The following FARP1 variants were observed in gnomAD, a reference collection of about 807,000 sequenced individuals.
FARP1 encodes FERM, ARH/RhoGEF and pleckstrin domain protein 1.
Under a neutral mutation model 128.8 loss-of-function variants are expected in FARP1, and 52 were observed. That is an observed-to-expected ratio of 0.40 (90% CI 0.32 to 0.51). The LOEUF (loss-of-function observed/expected upper bound fraction) is 0.51. Ranked by LOEUF, FARP1 falls within the 20% of genes least tolerant of loss-of-function variation. The probability of loss-of-function intolerance (pLI) is 0.45; values close to 1 mark genes in which losing one functional copy is unlikely to be tolerated. For synonymous variants in FARP1, 580 were observed against 551.8 expected (o/e 1.05, Z -0.72); for missense variants, 1,333 against 1,367.9 (o/e 0.97, Z 0.40).
At chr13:98,165,402 T>C (rs1412899091) in intron 1 of FARP1, among the ~76,000 whole-genome samples, 2 of 151,994 alleles carry the variant, frequency 1.3e-5, no homozygotes, top group East Asian at 1.9e-4. Flanking sequence ...ATTGTAACTA[T>C]TGAAGATATT....
chr13:98,397,786 A>C lies in FARP1; in HGVS notation c.1414+2310A>C, dbSNP rs530196349. ...GTCTCGAATCTAGTGGAATACAGTAAAAGTGTTAGCTAAATTTTTGGCTTG... is the reference window on the plus strand; with the variant it reads ...GTCTCGAATCTAGTGGAATACAGTACAAGTGTTAGCTAAATTTTTGGCTTG... On this transcript the variant is annotated intron_variant, in intron 13 of 26. Coordinates refer to ENST00000319562, the MANE Select transcript of FARP1 (RefSeq NM_005766.4). 22 of 152,102 alleles carry C rather than the reference A, an allele frequency of 1.4e-4. No homozygotes were observed. The South Asian group carries it at 4.4e-3, about 30-fold the overall frequency. The allele number at this position is 152,102 out of a possible 1,614,324, so 9.4% of individuals were successfully genotyped here.
Position 98,409,436 on chromosome 13 carries a change from G to A in FARP1, c.1513G>A (p.Asp505Asn), listed in dbSNP as rs142356955. The part of the protein sequence containing the change: ...NVTLSPNLSP[D>N]TKQASPLISP... ...GACCTTGTCTCCCAACCTGAGCCCC[G>A]ACACCAAGCAGGCCTCTCCCTTGAT... Residue 505 changes from aspartate to asparagine, a missense_variant, in exon 14 of 27, where the codon GAC becomes AAC. Around this residue, in one of 2 missense-constraint regions of FARP1, gnomAD observed 1,009 missense variants for 969.8 expected, o/e 1.04. Coordinates refer to ENST00000319562, the MANE Select transcript of FARP1 (RefSeq NM_005766.4). 2.7e-5 allele frequency: 44 copies of A among 1,613,794 alleles called. No individual in the cohort carries two copies. The highest frequency in any genetic ancestry group is 9.4e-5 in the African/African-American group (7 of 74,848).
intron 13 of FARP1, chr13:98,396,712 T>A: frequency 2.6e-6 from 1 of 383,374 alleles, no homozygotes; most frequent in Non-Finnish European, 4.6e-6. Context: ...GTGGGCAAGA[T>A]AAACAGCAAG....
chr13:98,351,228 G>C (rs1888408239), intron 3 of FARP1, among the ~76,000 whole-genome samples: 1 of 152,128 alleles, frequency 6.6e-6, no homozygotes, highest in Non-Finnish European at 1.5e-5. Flanking sequence ...CTGCTGAGCT[G>C]TTGGCCGTAT....
intron 2 of FARP1, among the ~76,000 whole-genome samples, chr13:98,233,310 C>T (rs1326643730): frequency 6.6e-6 from 1 of 152,162 alleles, no homozygotes; most frequent in African/African-American, 2.4e-5. Context: ...ACCTTGATGC[C>T]TGTCAGCCAG....
chr13:98,234,576 AGT>A (rs1451222181), intron 2 of FARP1: 10 of 152,182 alleles, frequency 6.6e-5, no homozygotes, highest in African/African-American at 2.4e-4. Context: ...ATGGAGTGAT[AGT>A]GTGTTAGTTA....
At position 98,450,838 on chromosome 13, in the gene FARP1, A is replaced by G. The variant is rs1176181576; in HGVS notation, c.*2521A>G. Reference sequence around the variant, plus strand: ...ACAAAAGCCAGCTTCCTTGGCTAAGATGCCCTTAAAAACATTGGGGCTGAT... The same window carrying G: ...ACAAAAGCCAGCTTCCTTGGCTAAGGTGCCCTTAAAAACATTGGGGCTGAT... On this transcript the variant is annotated 3_prime_UTR_variant, in exon 27 of 27. Transcript: ENST00000319562. The G allele has an allele frequency of 6.6e-6, 1 of 152,272 alleles. No homozygotes were observed. The highest frequency in any genetic ancestry group is 1.5e-5 in the Non-Finnish European group (1 of 68,064). 9.4% of individuals were successfully genotyped at this position (152,272 alleles called of 1,614,324 possible).
At chr13:98,417,455 G>GAAAAAAAAAAAAAAAAAAAA (rs869304302) in intron 16 of FARP1, among the ~76,000 whole-genome samples, 2 of 58,454 alleles carry the variant, frequency 3.4e-5, no homozygotes, top group African/African-American at 1.1e-4. Flanking sequence ...CCAGAGGTTT[G>GAAAAAAAAAAAAAAAAAAAA]AAAAAAAAAA....
intron 2 of FARP1, chr13:98,329,290 T>C (rs534601945): frequency 2.6e-5 from 4 of 152,370 alleles, no homozygotes; most frequent in African/African-American, 9.6e-5. Flanking sequence ...TTTCATATAG[T>C]TGGCCTTTTG....
At chr13:98,185,761 G>A (rs1269990979) in intron 1 of FARP1, among the ~76,000 whole-genome samples, 2 of 151,836 alleles carry the variant, frequency 1.3e-5, no homozygotes, top group Admixed American at 1.3e-4. Context: ...GCAGTGGCAC[G>A]ATCTCAGCTC....
At chr13:98,305,104 GTATA>G (rs4001088) in intron 2 of FARP1, among the ~76,000 whole-genome samples, 2,700 of 42,600 alleles carry the variant, frequency 0.063, 81 homozygotes, top group African/African-American at 0.19. Flanking sequence ...ATTTAAATGT[GTATA>G]TATATATATA....
chr13:98,210,330 A>C (rs1188878334), intron 1 of FARP1, among the ~76,000 whole-genome samples: 1 of 151,850 alleles, frequency 6.6e-6, no homozygotes, highest in African/African-American at 2.4e-5. Context: ...TTTTGGTTAT[A>C]CATTCACCTC....
chr13:98,380,420 C>G (rs1566936492), intron 6 of FARP1, among the ~76,000 whole-genome samples: 1 of 146,454 alleles, frequency 6.8e-6, no homozygotes, highest in Non-Finnish European at 1.5e-5. Context: ...GAGTGAGACT[C>G]TGTCTAAAAA....
intron 1 of FARP1, among the ~76,000 whole-genome samples, chr13:98,181,854 T>C (rs1175304017): frequency 1.3e-5 from 2 of 152,070 alleles, no homozygotes; most frequent in Non-Finnish European, 2.9e-5. Flanking sequence ...TGGGGTCTTA[T>C]CACACATGGT....
chr13:98,350,960 T>C (rs1372116998), intron 3 of FARP1, among the ~76,000 whole-genome samples: 1 of 145,352 alleles, frequency 6.9e-6, no homozygotes. Flanking sequence ...ATGATGCAGA[T>C]GAGCCAGTGC....
At chr13:98,277,933 C>G (rs1884736978) in intron 2 of FARP1, among the ~76,000 whole-genome samples, 1 of 152,160 alleles carries the variant, frequency 6.6e-6, no homozygotes, top group Admixed American at 6.5e-5. Context: ...CAGCGAGGGT[C>G]AAAATCTGGT....
chr13:98,416,722 C>T lies in FARP1; in HGVS notation c.1826+4688C>T, dbSNP rs1891388251. On this transcript the variant is annotated intron_variant, in intron 16 of 26. Coordinates refer to ENST00000319562, the MANE Select transcript of FARP1 (RefSeq NM_005766.4). ...CTCCCAAATGCCAGCCCTGAGGTGA[C>T]TGGCAGAGGCTGAGTGCAAGGTGGC... is the stretch of plus-strand genomic sequence containing the variant. Among the ~76,000 whole-genome samples the T allele has an allele frequency of 2.6e-5, 4 of 152,178 alleles. No homozygotes were observed. The South Asian group carries it at 6.2e-4, about 24-fold the overall frequency.
chr13:98,269,977 C>T (rs551702284), intron 2 of FARP1, among the ~76,000 whole-genome samples: 10 of 152,178 alleles, frequency 6.6e-5, no homozygotes, highest in African/African-American at 1.9e-4. Context: ...TGGTAGTGCA[C>T]GCCTGTAGTC....
intron 2 of FARP1, among the ~76,000 whole-genome samples, chr13:98,254,622 G>A (rs948766681): frequency 1.2e-4 from 18 of 151,836 alleles, no homozygotes; most frequent in Non-Finnish European, 2.1e-4. Flanking sequence ...AATGCATGGC[G>A]GTGTAGCCTG....
Sources: gnomAD v4.1 joint callset for allele counts (sites outside exome capture counted in the v4.1 genomes callset) on GRCh38, gnomAD v4.1.1 for gene constraint, gnomAD v4.1.1 regional missense constraint, MANE v1.5 for transcripts, NCBI Gene and HGNC (gene_info 2026-07-23, HGNC 2026-07-21) for gene names.